FAM53B: variants seen among roughly 807,000 people sequenced by gnomAD.
The protein encoded by FAM53B is protein FAM53B.
A neutral mutation model predicts 32.7 loss-of-function variants in FAM53B; 12 were observed. That is an observed-to-expected ratio of 0.37 (90% CI 0.24 to 0.59). The LOEUF (loss-of-function observed/expected upper bound fraction) is 0.59. Ranked by LOEUF, FAM53B falls within the 20% of genes least tolerant of loss-of-function variation. FAM53B has a pLI of 0.72. For missense variants in FAM53B, 477 were observed against 577.7 expected, an observed-to-expected ratio of 0.83 and a Z score of 1.79; for synonymous variants, 234 against 228.7, an observed-to-expected ratio of 1.02 and a Z score of -0.21.
At chr10:124,645,173 C>A (rs1175476719) in intron 4 of FAM53B, among the ~76,000 whole-genome samples, 2 of 152,206 alleles carry the variant, frequency 1.3e-5, no homozygotes, top group African/African-American at 4.8e-5. Context: ...CAACTCGGGC[C>A]CTCCCTGGAG....
At chr10:124,702,252 T>C (rs1210898993) in intron 2 of FAM53B, among the ~76,000 whole-genome samples, 1 of 152,254 alleles carries the variant, frequency 6.6e-6, no homozygotes, top group Non-Finnish European at 1.5e-5. Context: ...CTTCTTAGTC[T>C]GATTAGAAAA....
intron 2 of FAM53B, among the ~76,000 whole-genome samples, chr10:124,699,139 A>T (rs1438999928): frequency 6.6e-6 from 1 of 152,212 alleles, no homozygotes; most frequent in Non-Finnish European, 1.5e-5. Flanking sequence ...TTTAATGAAC[A>T]TGGCAGGTAT....
At chr10:124,706,264 C>T (rs527909089) in intron 2 of FAM53B, among the ~76,000 whole-genome samples, 1 of 152,302 alleles carries the variant, frequency 6.6e-6, no homozygotes, top group South Asian at 2.1e-4. Context: ...GAGGGACAGG[C>T]TTATCTGGGC....
chr10:124,623,153 G>T lies in FAM53B; in HGVS notation c.*89C>A. On this transcript the variant is annotated 3_prime_UTR_variant, in exon 5 of 5. Transcript: ENST00000337318. Reference sequence around the variant, plus strand: ...CAGGAAGCTTTCATCAGGCCCACGAGTTGGGCTCCCCTTCAAGGGCCCACC... The same window carrying T: ...CAGGAAGCTTTCATCAGGCCCACGATTTGGGCTCCCCTTCAAGGGCCCACC... 1.4e-6 allele frequency: 2 copies of T among 1,466,928 alleles called. No homozygotes were observed. The highest frequency in any genetic ancestry group is 1.8e-6 in the Non-Finnish European group (2 of 1,097,684). 90.9% of individuals were successfully genotyped at this position (1,466,928 alleles called of 1,614,324 possible).
At chr10:124,727,548 T>C (rs1353082480) in intron 1 of FAM53B, among the ~76,000 whole-genome samples, 1 of 152,156 alleles carries the variant, frequency 6.6e-6, no homozygotes, top group African/African-American at 2.4e-5. Context: ...ATGATGGCAA[T>C]GACCTTGAGC....
chr10:124,696,138 G>A lies in FAM53B; in HGVS notation c.133+20C>T. ...GGAAGGACTAGGAGGACAGCTTCCA[G>A]GATGGCCTTGAGTACTTACCCATAA... On this transcript the variant is annotated intron_variant, in intron 3 of 4. Coordinates refer to ENST00000337318, the MANE Select transcript of FAM53B (RefSeq NM_014661.4). 1 of 1,608,804 alleles carries A rather than the reference G, an allele frequency of 6.2e-7. No homozygotes were observed.
intron 2 of FAM53B, among the ~76,000 whole-genome samples, chr10:124,697,095 A>G (rs1949878409): frequency 6.6e-6 from 1 of 152,092 alleles, no homozygotes; most frequent in South Asian, 2.1e-4. Flanking sequence ...TCCTCTCATG[A>G]GCAGAGACTA....
chr10:124,713,338 G>A (rs1172247431), intron 1 of FAM53B: 3 of 152,202 alleles, frequency 2.0e-5, no homozygotes, highest in Non-Finnish European at 4.4e-5. Context: ...TTCCTCCCCA[G>A]GCCACTCTGT....
chr10:124,712,694 T>C (rs1950012665), intron 1 of FAM53B, among the ~76,000 whole-genome samples: 1 of 152,170 alleles, frequency 6.6e-6, no homozygotes, highest in Non-Finnish European at 1.5e-5. Context: ...CAGCTAGGGC[T>C]ACCCAATATC....
At chr10:124,681,202 G>A (rs146202040) in intron 4 of FAM53B, among the ~76,000 whole-genome samples, 105 of 152,282 alleles carry the variant, frequency 6.9e-4, no homozygotes, top group African/African-American at 2.4e-3. Flanking sequence ...CTCAGGATCA[G>A]CATAATCCAA....
intron 1 of FAM53B, among the ~76,000 whole-genome samples, chr10:124,737,465 T>C (rs952548387): frequency 6.6e-6 from 1 of 152,146 alleles, no homozygotes; most frequent in African/African-American, 2.4e-5. Flanking sequence ...CACCTGCTGG[T>C]CTACGCTAAA....
intron 4 of FAM53B, among the ~76,000 whole-genome samples, chr10:124,662,220 CA>C (rs1203072494): frequency 6.6e-5 from 10 of 152,240 alleles, no homozygotes; most frequent in Admixed American, 5.2e-4. Flanking sequence ...TTCCGTAAAA[CA>C]AGCACAACAA....
intron 2 of FAM53B, 36 bp downstream of exon 2, chr10:124,706,600 T>G (rs756096953): frequency 6.2e-7 from 1 of 1,613,652 alleles, no homozygotes. Flanking sequence ...GCCTCAGAAA[T>G]GGTCATGGAA....
intron 1 of FAM53B, among the ~76,000 whole-genome samples, chr10:124,741,498 A>T (rs756438522): frequency 4.6e-5 from 7 of 152,182 alleles, no homozygotes; most frequent in Non-Finnish European, 1.0e-4. Context: ...ATTTAAACAC[A>T]GCTCTCTCCT....
chr10:124,663,112 AC>A (rs1475103367), intron 4 of FAM53B, among the ~76,000 whole-genome samples: 2 of 152,100 alleles, frequency 1.3e-5, no homozygotes. Context: ...GTGAGTGTGG[AC>A]CCCAGAAGAC....
chr10:124,698,406 T>C (rs1157500754), intron 2 of FAM53B, among the ~76,000 whole-genome samples: 1 of 152,104 alleles, frequency 6.6e-6, no homozygotes, highest in Non-Finnish European at 1.5e-5. Context: ...AGAACAGTGC[T>C]TGCTGGCCGC....
At chr10:124,656,158 C>G (rs1949587922) in intron 4 of FAM53B, among the ~76,000 whole-genome samples, 1 of 152,352 alleles carries the variant, frequency 6.6e-6, no homozygotes, top group South Asian at 2.1e-4. Context: ...GAGGAGGAGG[C>G]CTGGATTCTG....
At chr10:124,703,811 ATCTGTGT>A (rs1949931837) in intron 2 of FAM53B, 1 of 152,344 alleles carries the variant, frequency 6.6e-6, no homozygotes. Flanking sequence ...ACAGATTCTA[ATCTGTGT>A]GGCCACAAGA....
chr10:124,660,446 A>G (rs917329655), intron 4 of FAM53B, among the ~76,000 whole-genome samples: 1 of 152,236 alleles, frequency 6.6e-6, no homozygotes. Flanking sequence ...TCCGTTGAAT[A>G]CAACTCACCC....
Sources: gnomAD v4.1 joint callset for allele counts (sites outside exome capture counted in the v4.1 genomes callset) on GRCh38, gnomAD v4.1.1 for gene constraint, MANE v1.5 for transcripts, NCBI Gene and HGNC (gene_info 2026-07-23, HGNC 2026-07-21) for gene names.